ZNF804B: variants seen among roughly 807,000 people sequenced by gnomAD.
ZNF804B encodes zinc finger protein 804B.
A neutral mutation model predicts 101.4 loss-of-function variants in ZNF804B; 80 were observed. The observed-to-expected ratio is 0.79, with a 90% CI of 0.66 to 0.95. The LOEUF (loss-of-function observed/expected upper bound fraction) is 0.95, where lower values mean the gene tolerates loss of function less well. Among genes scored for constraint, ZNF804B ranks in the 40% least tolerant of loss-of-function variants. The pLI is 0.00. For synonymous variants in ZNF804B, 622 were observed against 558.8 expected, an observed-to-expected ratio of 1.11 and a Z score of -1.59; for missense variants, 1,673 against 1,561.9, an observed-to-expected ratio of 1.07 and a Z score of -1.20.
intron 1 of ZNF804B, among the ~76,000 whole-genome samples, chr7:88,954,162 A>C (rs1027459721): frequency 6.6e-6 from 1 of 151,764 alleles, no homozygotes; most frequent in African/African-American, 2.4e-5. Flanking sequence ...TCTTGGATAC[A>C]ATTTTTTGAG....
At chr7:89,280,448 C>CA (rs1230606903) in intron 2 of ZNF804B, among the ~76,000 whole-genome samples, 1 of 151,866 alleles carries the variant, frequency 6.6e-6, no homozygotes, top group African/African-American at 2.4e-5. Flanking sequence ...AAAAACCCTT[C>CA]AAAAAATTAA....
chr7:89,174,334 T>C (rs1211750747), intron 1 of ZNF804B, among the ~76,000 whole-genome samples: 1 of 152,076 alleles, frequency 6.6e-6, no homozygotes, highest in Non-Finnish European at 1.5e-5. Flanking sequence ...CACAAATGAG[T>C]GAGAGCATGC....
At chr7:88,766,098 A>T (rs1789979350) in intron 1 of ZNF804B, among the ~76,000 whole-genome samples, 1 of 152,158 alleles carries the variant, frequency 6.6e-6, no homozygotes, top group Non-Finnish European at 1.5e-5. Context: ...CAGAGCTTGA[A>T]GCCAGGTGTT....
At chr7:88,993,916 C>T (rs1335709852) in intron 1 of ZNF804B, among the ~76,000 whole-genome samples, 1 of 151,918 alleles carries the variant, frequency 6.6e-6, no homozygotes, top group Non-Finnish European at 1.5e-5. Context: ...AAATATTTTA[C>T]TGTGACTATA....
chr7:88,836,481 A>G (rs1791216880), intron 1 of ZNF804B, among the ~76,000 whole-genome samples: 1 of 151,850 alleles, frequency 6.6e-6, no homozygotes, highest in Non-Finnish European at 1.5e-5. Flanking sequence ...AACAACAATA[A>G]CATTTACATT....
intron 1 of ZNF804B, among the ~76,000 whole-genome samples, chr7:89,022,810 A>G (rs1284818217): frequency 6.6e-6 from 1 of 152,216 alleles, no homozygotes. Context: ...AGTAGGAGAA[A>G]GGAATGGTTA....
At chr7:89,193,134 G>A (rs767699869) in intron 1 of ZNF804B, among the ~76,000 whole-genome samples, 1 of 152,094 alleles carries the variant, frequency 6.6e-6, no homozygotes, top group South Asian at 2.1e-4. Context: ...CATAGTATTG[G>A]AAGTCCTGGA....
chr7:88,976,433 T>C (rs1372841787), intron 1 of ZNF804B, among the ~76,000 whole-genome samples: 2 of 151,654 alleles, frequency 1.3e-5, no homozygotes, highest in Non-Finnish European at 3.0e-5. Context: ...CTTGCATCAA[T>C]GTTTTAAATT....
intron 2 of ZNF804B, among the ~76,000 whole-genome samples, chr7:89,272,086 T>G (rs1305460852): frequency 6.6e-6 from 1 of 152,024 alleles, no homozygotes; most frequent in Non-Finnish European, 1.5e-5. Context: ...GTCTTGCAAT[T>G]TCACATTCCA....
At chr7:89,103,483 ATG>A (rs139197638) in intron 1 of ZNF804B, among the ~76,000 whole-genome samples, 24,283 of 150,640 alleles carry the variant, frequency 0.16, 2,154 homozygotes, top group East Asian at 0.24. Flanking sequence ...GTGTGTGTGC[ATG>A]TGTGTGTGTG....
chr7:88,910,769 G>C (rs1792537003), intron 1 of ZNF804B, among the ~76,000 whole-genome samples: 1 of 151,844 alleles, frequency 6.6e-6, no homozygotes, highest in Non-Finnish European at 1.5e-5. Context: ...ATGCAAGCGT[G>C]ATTGAAGAAT....
intron 2 of ZNF804B, among the ~76,000 whole-genome samples, chr7:89,224,712 ATGTGTGTGTGTGTGTGTGTG>A (rs56064065): frequency 2.1e-5 from 3 of 144,076 alleles, no homozygotes; most frequent in Non-Finnish European, 4.6e-5. Flanking sequence ...CTGGCAAAGT[ATGTGTGTGTGTGTGTGTGTG>A]TGTGTGTGTG....
chr7:89,031,570 A>G (rs1395972278), intron 1 of ZNF804B, among the ~76,000 whole-genome samples: 1 of 152,156 alleles, frequency 6.6e-6, no homozygotes, highest in East Asian at 1.9e-4. Context: ...ATGGCAGCAA[A>G]AACATACATC....
intron 1 of ZNF804B, among the ~76,000 whole-genome samples, chr7:88,863,657 G>A (rs1022912062): frequency 3.3e-5 from 5 of 152,168 alleles, no homozygotes; most frequent in Non-Finnish European, 5.9e-5. Context: ...AAGCAGAGAG[G>A]GACAAGTGGG....
chr7:89,324,607 C>CTTTTTTTTT (rs35905388), intron 2 of ZNF804B, among the ~76,000 whole-genome samples: 27 of 109,544 alleles, frequency 2.5e-4, no homozygotes, highest in East Asian at 8.5e-4. Context: ...TACCTTCTTA[C>CTTTTTTTTT]TTTTTTTTTT....
chr7:89,276,244 G>T (rs1653630102), intron 2 of ZNF804B, among the ~76,000 whole-genome samples: 1 of 151,704 alleles, frequency 6.6e-6, no homozygotes, highest in African/African-American at 2.4e-5. Flanking sequence ...GTGATGGGTT[G>T]ATAGGTGCAA....
chr7:88,916,791 C>T (rs574690583), intron 1 of ZNF804B, among the ~76,000 whole-genome samples: 183 of 151,930 alleles, frequency 1.2e-3, no homozygotes, highest in African/African-American at 4.2e-3. Context: ...AATATAAATC[C>T]CCAATATCTA....
intron 1 of ZNF804B, among the ~76,000 whole-genome samples, chr7:88,982,563 A>T (rs1793707521): frequency 6.6e-6 from 1 of 152,066 alleles, no homozygotes; most frequent in Non-Finnish European, 1.5e-5. Flanking sequence ...AGTTGTCCCC[A>T]GGTCTGTATT....
intron 1 of ZNF804B, among the ~76,000 whole-genome samples, chr7:88,854,426 T>TCTTC (rs1491177302): frequency 2.0e-3 from 180 of 87,980 alleles, no homozygotes; most frequent in East Asian, 8.8e-3. Context: ...TTTCTTTCTT[T>TCTTC]CTTTCTTTCT....
Sources: allele counts gnomAD v4.1 joint callset (sites outside exome capture counted in the v4.1 genomes callset), GRCh38; gene constraint gnomAD v4.1.1; transcripts MANE v1.5; gene names NCBI Gene and HGNC (gene_info 2026-07-23, HGNC 2026-07-21).